Variants in ANP32B observed in about 807,000 individuals in gnomAD.
ANP32B encodes acidic nuclear phosphoprotein 32 family member B.
Under a neutral mutation model 32.2 loss-of-function variants are expected in ANP32B, and 6 were observed. The observed-to-expected ratio is 0.19, with a 90% CI of 0.10 to 0.37. The LOEUF (loss-of-function observed/expected upper bound fraction) is 0.37. Ranked by LOEUF, ANP32B falls within the 10% of genes least tolerant of loss-of-function variation. ANP32B has a pLI of 1.00. For synonymous variants in ANP32B, 98 were observed against 105.8 expected, an observed-to-expected ratio of 0.93 and a Z score of 0.45; for missense variants, 204 against 289.2, an observed-to-expected ratio of 0.71 and a Z score of 2.14.
chr9:97,983,493 C>A lies in ANP32B; in HGVS notation c.-63C>A, dbSNP rs1827631329. ...ACGGCCCTCGCTGCGCAAGCCGGGA[C>A]GCCTCTCCCCCCTCCGCCCCCGCCG... On this transcript the variant is annotated 5_prime_UTR_variant, in exon 1 of 7. Transcript: ENST00000339399. 2 of 1,423,070 alleles carry A rather than the reference C, an allele frequency of 1.4e-6. No homozygotes were observed. Among genetic ancestry groups the A allele is most frequent in the Non-Finnish European group, 1.9e-6 (2 of 1,041,794 alleles). The allele number at this position is 1,423,070 out of a possible 1,614,324, so 88.2% of individuals were successfully genotyped here.
chr9:98,005,246 AC>A lies in ANP32B; in HGVS notation c.517+95del. ...TGTTGGCCGGGCGCAGTGGCACACA[AC>A]CGTAATCCCAGCACTTTGGGTGGCC... On this transcript the variant is annotated intron_variant, in intron 4 of 6. Coordinates refer to ENST00000339399, the MANE Select transcript of ANP32B (RefSeq NM_006401.3). 4.5e-6 allele frequency: 6 copies of A among 1,319,794 alleles called. No individual in the cohort carries two copies. The South Asian group carries it at 8.5e-5, about 19-fold the overall frequency. The allele number at this position is 1,319,794 out of a possible 1,614,324, so 81.8% of individuals were successfully genotyped here. A position where few individuals can be genotyped will look rare whatever the true frequency, so the allele number is the denominator to read the frequency against.
intron 3 of ANP32B, among the ~76,000 whole-genome samples, chr9:97,999,390 C>G (rs1351353186): frequency 6.6e-6 from 1 of 152,138 alleles, no homozygotes; most frequent in Non-Finnish European, 1.5e-5. Flanking sequence ...GTGTGGCATA[C>G]CTGAATTGTA....
rs1344592227 is a variant in ANP32B, at chr9:98,012,449, A to T, written c.665A>T (p.Asp222Val). The T allele has an allele frequency of 6.2e-7, 1 of 1,611,556 alleles. No homozygotes were observed. Among genetic ancestry groups the T allele is most frequent in the African/African-American group, 1.3e-5 (1 of 74,856 alleles). The change falls in exon 6 of 7, where the codon GAT (aspartate) becomes GTT (valine). Residue 222 changes from aspartate to valine, a missense_variant. Physicochemically the swap from Asp to Val is radical, Grantham distance 152. Coordinates refer to ENST00000339399, the MANE Select transcript of ANP32B (RefSeq NM_006401.3). ...GAAGAATTTGGACTTGATGAAGAAG[A>T]TGAAGATGAGGATGAGGATGAAGGT... ...EEEEFGLDEE[D>V]EDEDEDEEEE...
intron 2 of ANP32B, among the ~76,000 whole-genome samples, chr9:97,998,353 A>G (rs1433911909): frequency 6.6e-6 from 1 of 152,240 alleles, no homozygotes; most frequent in East Asian, 1.9e-4. Flanking sequence ...GCAGCTGATT[A>G]GGAAAACACA....
Position 97,998,538 on chromosome 9 carries a change from G to A in ANP32B, c.205-18G>A, listed in dbSNP as rs1285915097. 2 of 1,598,372 alleles carry A rather than the reference G, an allele frequency of 1.3e-6. No homozygotes were observed. Among genetic ancestry groups the A allele is most frequent in the Admixed American group, 1.8e-5 (1 of 55,992 alleles). On this transcript the variant is annotated intron_variant, in intron 2 of 6. Coordinates refer to ENST00000339399, the MANE Select transcript of ANP32B (RefSeq NM_006401.3). ...CTGTGTGTATTTGTGTTTGTGTTGT[G>A]TCCATTTTCTCTTGCAGCTTGAACT...
At chr9:98,000,921 CAAAAAAAA>C (rs543121018) in intron 3 of ANP32B, among the ~76,000 whole-genome samples, 3 of 93,940 alleles carry the variant, frequency 3.2e-5, no homozygotes, top group African/African-American at 1.2e-4. Flanking sequence ...GACTCCATCT[CAAAAAAAA>C]AAAAAAAAAA....
At chr9:98,009,345 T>A (rs965710156) in intron 4 of ANP32B, among the ~76,000 whole-genome samples, 1 of 152,218 alleles carries the variant, frequency 6.6e-6, no homozygotes, top group African/African-American at 2.4e-5. Context: ...TTATTCTCAG[T>A]CACTCTTAGA....
intron 6 of ANP32B, among the ~76,000 whole-genome samples, chr9:98,013,410 A>AT (rs905818321): frequency 6.6e-6 from 1 of 152,120 alleles, no homozygotes; most frequent in African/African-American, 2.4e-5. Flanking sequence ...GAGTTCTTTC[A>AT]TTTTTTAAAA....
chr9:98,003,761 A>T (rs1828032585), intron 3 of ANP32B, among the ~76,000 whole-genome samples: 2 of 152,152 alleles, frequency 1.3e-5, no homozygotes, highest in South Asian at 4.1e-4. Flanking sequence ...TTTTATGTGG[A>T]GGTCCTCTTA....
chr9:97,986,312 T>C (rs1462256424), intron 1 of ANP32B, among the ~76,000 whole-genome samples: 3 of 152,244 alleles, frequency 2.0e-5, no homozygotes, highest in Non-Finnish European at 4.4e-5. Context: ...AAGTAAACAT[T>C]TTAAGCCTGA....
chr9:97,986,320 T>G (rs1000539428), intron 1 of ANP32B, among the ~76,000 whole-genome samples: 7 of 152,238 alleles, frequency 4.6e-5, no homozygotes, highest in African/African-American at 1.7e-4. Flanking sequence ...ATTTTAAGCC[T>G]GAGAAACCAT....
At chr9:97,990,251 CA>C (rs1827801268) in intron 1 of ANP32B, among the ~76,000 whole-genome samples, 1 of 152,200 alleles carries the variant, frequency 6.6e-6, no homozygotes, top group Non-Finnish European at 1.5e-5. Context: ...GTGTGTTGCA[CA>C]TGTAAATACA....
At chr9:98,000,908 C>G (rs1198507898) in intron 3 of ANP32B, among the ~76,000 whole-genome samples, 3 of 141,304 alleles carry the variant, frequency 2.1e-5, no homozygotes, top group Non-Finnish European at 4.6e-5. Flanking sequence ...GGTGACAGAA[C>G]AAGACTCCAT....
At chr9:97,998,473 G>T in intron 2 of ANP32B, 83 bp from the exon 3 acceptor site, 3 of 1,406,432 alleles carry the variant, frequency 2.1e-6, no homozygotes, top group Non-Finnish European at 2.9e-6. Flanking sequence ...TTTGAGAACT[G>T]TATTTGTTAC....
chr9:97,984,039 C>A (rs1355743698), intron 1 of ANP32B, among the ~76,000 whole-genome samples: 1 of 149,996 alleles, frequency 6.7e-6, no homozygotes, highest in African/African-American at 2.4e-5. Flanking sequence ...AGGCCGGGCT[C>A]CGCGCGCCCC....
chr9:97,984,045 GC>G (rs950366780), intron 1 of ANP32B, among the ~76,000 whole-genome samples: 33 of 149,924 alleles, frequency 2.2e-4, no homozygotes, highest in African/African-American at 8.0e-4. Flanking sequence ...GGCTCCGCGC[GC>G]CCCGGGCCGG....
chr9:98,006,303 C>A (rs1052326687), intron 4 of ANP32B, among the ~76,000 whole-genome samples: 3 of 152,184 alleles, frequency 2.0e-5, no homozygotes, highest in Admixed American at 2.0e-4. Context: ...TGGTGTACTT[C>A]AGTTGTACAG....
chr9:98,010,170 T>G (rs1054098161), intron 4 of ANP32B, among the ~76,000 whole-genome samples: 1 of 151,322 alleles, frequency 6.6e-6, no homozygotes, highest in African/African-American at 2.4e-5. Flanking sequence ...GAGCATTTCC[T>G]ATGTGCCAGG....
chr9:98,002,544 G>A (rs1828010704), intron 3 of ANP32B, among the ~76,000 whole-genome samples: 1 of 152,048 alleles, frequency 6.6e-6, no homozygotes, highest in Non-Finnish European at 1.5e-5. Flanking sequence ...TGTATTTTGT[G>A]CCTATTGGGC....
Sources: gnomAD v4.1 joint callset for allele counts (sites outside exome capture counted in the v4.1 genomes callset) on GRCh38, gnomAD v4.1.1 for gene constraint, MANE v1.5 for transcripts, NCBI Gene and HGNC (gene_info 2026-07-23, HGNC 2026-07-21) for gene names.